The following GABRG2 variants were observed in gnomAD, a reference collection of about 807,000 sequenced individuals.
The protein encoded by GABRG2 is gamma-aminobutyric acid type A receptor subunit gamma2.
A neutral mutation model predicts 56.4 loss-of-function variants in GABRG2; 16 were observed. The observed-to-expected ratio is 0.28, with a 90% CI of 0.19 to 0.43. The LOEUF is 0.43. Among genes scored for constraint, GABRG2 ranks in the 20% least tolerant of loss-of-function variants. The pLI is 1.00. For synonymous variants in GABRG2, 208 were observed against 205.5 expected (o/e 1.01, Z -0.10); for missense variants, 327 against 582.7 (o/e 0.56, Z 4.52).
intron 6 of GABRG2, among the ~76,000 whole-genome samples, chr5:162,118,599 ATATATC>A (rs560921328): frequency 6.6e-5 from 10 of 152,146 alleles, no homozygotes; most frequent in East Asian, 3.9e-4. Context: ...AACTCTCTCT[ATATATC>A]TATATCTATA....
At position 162,155,110 on chromosome 5, in the gene GABRG2, A is replaced by G. The variant is rs1463054519; in HGVS notation, c.*1742A>G. On this transcript the variant is annotated 3_prime_UTR_variant, in exon 10 of 10. Coordinates refer to ENST00000639213, the MANE Select transcript of GABRG2 (RefSeq NM_198904.4). ...AGAGAGAGTGGCTTTGTCAGTATAA[A>G]ACCATGTAAAGTCATCATCAAGTCA... 1 of 152,594 alleles carries G rather than the reference A, an allele frequency of 6.6e-6. No homozygotes were observed. Among genetic ancestry groups the G allele is most frequent in the Non-Finnish European group, 1.5e-5 (1 of 68,024 alleles). 9.5% of individuals were successfully genotyped at this position (152,594 alleles called of 1,614,324 possible). A position where few individuals can be genotyped will look rare whatever the true frequency, so the allele number is the denominator to read the frequency against.
At chr5:162,142,643 G>A (rs536344143) in intron 7 of GABRG2, 24 of 348,746 alleles carry the variant, frequency 6.9e-5, no homozygotes, top group Middle Eastern at 1.0e-3. Flanking sequence ...GCAAACTATC[G>A]CAAGGACAAA....
At chr5:162,096,942 G>GA (rs1409348536) in intron 3 of GABRG2, among the ~76,000 whole-genome samples, 3 of 152,002 alleles carry the variant, frequency 2.0e-5, no homozygotes, top group Admixed American at 6.6e-5. Context: ...AGTAAATAGT[G>GA]AAAAAAACCC....
At chr5:162,147,734 T>G (rs1308806147) in intron 7 of GABRG2, among the ~76,000 whole-genome samples, 1 of 152,196 alleles carries the variant, frequency 6.6e-6, no homozygotes, top group Non-Finnish European at 1.5e-5. Context: ...TAGAAGTCTC[T>G]TGGTTAGCAG....
At chr5:162,071,412 T>C (rs1311124284) in intron 1 of GABRG2, among the ~76,000 whole-genome samples, 1 of 151,788 alleles carries the variant, frequency 6.6e-6, no homozygotes, top group Non-Finnish European at 1.5e-5. Context: ...TAATTATTTT[T>C]CAAGGATAAA....
chr5:162,096,165 T>A (rs1456509972), intron 3 of GABRG2, among the ~76,000 whole-genome samples: 1 of 152,046 alleles, frequency 6.6e-6, no homozygotes, highest in Non-Finnish European at 1.5e-5. Flanking sequence ...GCAATAAAGA[T>A]GCTCTGCTAA....
At chr5:162,074,036 TG>T (rs1437348117) in intron 1 of GABRG2, among the ~76,000 whole-genome samples, 1 of 151,944 alleles carries the variant, frequency 6.6e-6, no homozygotes, top group Non-Finnish European at 1.5e-5. Flanking sequence ...TGTTTAGAGA[TG>T]TAAAAGTCCT....
chr5:162,142,346 C>G, intron 7 of GABRG2, 30 bp downstream of exon 7: 2 of 1,611,540 alleles, frequency 1.2e-6, no homozygotes, highest in Non-Finnish European at 1.7e-6. Flanking sequence ...GTTGCAGTTT[C>G]TCAAGATAAG....
Position 162,149,100 on chromosome 5 carries a change from C to T in GABRG2, c.923-8C>T. The stretch of plus-strand genomic sequence containing the variant: ...TCACATGACCTGTATTATTACACCT[C>T]TCTTCAGGTATCACCACTGTCCTGA... On this transcript the variant is annotated splice_region_variant and splice_polypyrimidine_tract_variant and intron_variant, in intron 7 of 9. Transcript: ENST00000639213. 6.2e-7 allele frequency: 1 copy of T among 1,613,222 alleles called. No homozygotes were observed. Among genetic ancestry groups the T allele is most frequent in the Non-Finnish European group, 8.5e-7 (1 of 1,179,448 alleles).
intron 2 of GABRG2, chr5:162,094,717 G>T (rs1386067104): frequency 6.6e-6 from 1 of 152,364 alleles, no homozygotes; most frequent in African/African-American, 2.4e-5. Flanking sequence ...AGAGAATTCA[G>T]TCCACCACAG....
At position 162,067,968 on chromosome 5, in the gene GABRG2, C is replaced by T. The variant is rs1226441226; in HGVS notation, c.-32C>T. The T allele has an allele frequency of 7.0e-7, 1 of 1,430,182 alleles. No homozygotes were observed. The highest frequency in any genetic ancestry group is 9.8e-7 in the Non-Finnish European group (1 of 1,017,068). 88.6% of individuals were successfully genotyped at this position (1,430,182 alleles called of 1,614,324 possible). A position where few individuals can be genotyped will look rare whatever the true frequency, so the allele number is the denominator to read the frequency against. On this transcript the variant is annotated 5_prime_UTR_variant, in exon 1 of 10. Transcript: ENST00000639213. Reference sequence around the variant, plus strand: ...GAGGGATTCTTCTGCAACCAAGAGGCAAGAGGCGAGAGAAGGAAAAAAAAA... The same window carrying T: ...GAGGGATTCTTCTGCAACCAAGAGGTAAGAGGCGAGAGAAGGAAAAAAAAA...
At chr5:162,113,129 G>A (rs563586733) in intron 6 of GABRG2, among the ~76,000 whole-genome samples, 2 of 151,852 alleles carry the variant, frequency 1.3e-5, no homozygotes, top group East Asian at 1.9e-4. Context: ...TAATAGAGAC[G>A]GGGTTTCACC....
intron 6 of GABRG2, 108 bp from the exon 7 acceptor site, chr5:162,142,056 A>G (rs1438875704): frequency 1.4e-6 from 2 of 1,382,246 alleles, no homozygotes; most frequent in Non-Finnish European, 2.0e-6. Context: ...CACTTGTAGA[A>G]AACTCTTAAT....
At chr5:162,097,938 G>GAAA in intron 4 of GABRG2, 80 bp downstream of exon 4, 4 of 865,546 alleles carry the variant, frequency 4.6e-6, no homozygotes, top group Non-Finnish European at 6.8e-6. Flanking sequence ...GTCTCTAAAA[G>GAAA]AAAAAAAAAA....
chr5:162,074,911 A>C (rs1758968550), intron 1 of GABRG2, among the ~76,000 whole-genome samples: 1 of 147,698 alleles, frequency 6.8e-6, no homozygotes, highest in Admixed American at 7.1e-5. Flanking sequence ...TTGGCCTCTT[A>C]GTCTTTTTAT....
chr5:162,069,387 C>T lies in GABRG2; in HGVS notation c.107+1281C>T, dbSNP rs140134506. ...AGAAAATATCAAGACAGTGCCCTAA[C>T]ATTTTTTTGTGGGTCGACAATCTTA... is the stretch of plus-strand genomic sequence containing the variant. On this transcript the variant is annotated intron_variant, in intron 1 of 9. Coordinates refer to ENST00000639213, the MANE Select transcript of GABRG2 (RefSeq NM_198904.4). Among the ~76,000 whole-genome samples the T allele has an allele frequency of 6.6e-4, 100 of 152,260 alleles. 2 individuals are homozygous for T. The highest frequency in any genetic ancestry group is 3.4e-3 in the Middle Eastern group (1 of 294).
At chr5:162,116,109 CATGTGTGTGT>C (rs1405187975) in intron 6 of GABRG2, among the ~76,000 whole-genome samples, 2 of 125,570 alleles carry the variant, frequency 1.6e-5, no homozygotes, top group South Asian at 2.4e-4. Context: ...GGTGTGCGTG[CATGTGTGTGT>C]GTGTGTGTGT....
intron 6 of GABRG2, among the ~76,000 whole-genome samples, chr5:162,116,220 A>C (rs1489553391): frequency 6.8e-6 from 1 of 147,836 alleles, no homozygotes; most frequent in Non-Finnish European, 1.5e-5. Context: ...TTGTTTTGGC[A>C]TCTATCCATC....
chr5:162,134,312 T>C (rs1033562752), intron 6 of GABRG2, among the ~76,000 whole-genome samples: 2 of 150,758 alleles, frequency 1.3e-5, no homozygotes, highest in African/African-American at 4.9e-5. Flanking sequence ...TAAGACACTT[T>C]CTAACTCTCT....
Sources: gnomAD v4.1 joint callset for allele counts (sites outside exome capture counted in the v4.1 genomes callset) on GRCh38, gnomAD v4.1.1 for gene constraint, MANE v1.5 for transcripts, NCBI Gene and HGNC (gene_info 2026-07-23, HGNC 2026-07-21) for gene names.